The following MGAT4C variants were observed in gnomAD, a reference collection of about 807,000 sequenced individuals.
The protein encoded by MGAT4C is MGAT4 family member C.
Under a neutral mutation model 40.1 loss-of-function variants are expected in MGAT4C, and 19 were observed. The ratio of observed to expected loss-of-function variants is 0.47; its 90% CI spans 0.33 to 0.70. The LOEUF is 0.70. Ranked by LOEUF, MGAT4C falls within the 30% of genes least tolerant of loss-of-function variation. The pLI, the probability that MGAT4C is intolerant of heterozygous loss-of-function variation, is 0.02. For synonymous variants in MGAT4C, 181 were observed against 187.1 expected, an observed-to-expected ratio of 0.97 and a Z score of 0.27; for missense variants, 491 against 563.2, an observed-to-expected ratio of 0.87 and a Z score of 1.30.
At chr12:86,055,536 CA>C (rs534854299) in intron 1 of MGAT4C, among the ~76,000 whole-genome samples, 102 of 152,112 alleles carry the variant, frequency 6.7e-4, no homozygotes, top group Admixed American at 9.2e-4. Context: ...GAATGACTGA[CA>C]AAAGAACACT....
intron 2 of MGAT4C, among the ~76,000 whole-genome samples, chr12:86,658,917 C>T (rs1008615821): frequency 6.6e-6 from 1 of 152,142 alleles, no homozygotes; most frequent in East Asian, 1.9e-4. Context: ...TTCCCTCTGC[C>T]AGGATGCCTT....
At chr12:86,739,161 A>C (rs1046271375) in intron 1 of MGAT4C, among the ~76,000 whole-genome samples, 1 of 147,466 alleles carries the variant, frequency 6.8e-6, no homozygotes, top group Admixed American at 6.8e-5. Context: ...AAAAAAAAAA[A>C]AATCTATGTT....
Position 86,325,350 on chromosome 12 carries a change from T to C in MGAT4C, c.-57+8715A>G, listed in dbSNP as rs541537818. Reference sequence around the variant, plus strand: ...GCAGCATATCAAAAAATTAGGAATTTATTTAGAACTTAGTAGAGCTACACT... The same window carrying C: ...GCAGCATATCAAAAAATTAGGAATTCATTTAGAACTTAGTAGAGCTACACT... On this transcript the variant is annotated intron_variant, in intron 4 of 7. Transcript: ENST00000548651. 8.5e-5 allele frequency among the ~76,000 whole-genome samples: 13 copies of C among 152,326 alleles called. No homozygotes were observed. In the East Asian group the frequency reaches 2.5e-3, roughly 29 times the overall value.
At chr12:86,740,309 G>A (rs1951048827) in intron 1 of MGAT4C, among the ~76,000 whole-genome samples, 1 of 150,942 alleles carries the variant, frequency 6.6e-6, no homozygotes, top group African/African-American at 2.4e-5. Flanking sequence ...TGGTCATAAG[G>A]ATAGGATTCA....
chr12:86,463,906 ATTCT>A (rs1231196793), intron 2 of MGAT4C, among the ~76,000 whole-genome samples: 1 of 152,198 alleles, frequency 6.6e-6, no homozygotes, highest in Non-Finnish European at 1.5e-5. Context: ...TATACTAAAA[ATTCT>A]TTATTTAAAT....
At chr12:86,492,134 A>G (rs972388753) in intron 2 of MGAT4C, among the ~76,000 whole-genome samples, 2 of 152,204 alleles carry the variant, frequency 1.3e-5, no homozygotes, top group African/African-American at 4.8e-5. Context: ...CCACTGCTCA[A>G]TGAAATAAAA....
chr12:86,575,294 C>CA (rs1433565412), intron 2 of MGAT4C, among the ~76,000 whole-genome samples: 1 of 151,750 alleles, frequency 6.6e-6, no homozygotes, highest in East Asian at 1.9e-4. Flanking sequence ...TGCTATCAAA[C>CA]AGTCAGTCTT....
chr12:86,730,034 C>G (rs1289502658), intron 1 of MGAT4C, among the ~76,000 whole-genome samples: 1 of 151,996 alleles, frequency 6.6e-6, no homozygotes, highest in Non-Finnish European at 1.5e-5. Flanking sequence ...TGTGAATACC[C>G]TTTGAACCAC....
chr12:86,479,879 C>T (rs1482272290), intron 2 of MGAT4C, among the ~76,000 whole-genome samples: 1 of 151,782 alleles, frequency 6.6e-6, no homozygotes, highest in Admixed American at 6.6e-5. Context: ...ACTGATCACA[C>T]TTTGGAAGTT....
At chr12:86,643,637 A>C (rs895563338) in intron 2 of MGAT4C, among the ~76,000 whole-genome samples, 2 of 151,902 alleles carry the variant, frequency 1.3e-5, no homozygotes, top group Non-Finnish European at 2.9e-5. Context: ...TGTCCAAAAT[A>C]GACAAATTCA....
chr12:86,496,719 CT>C (rs1195982776), intron 2 of MGAT4C, among the ~76,000 whole-genome samples: 1 of 151,892 alleles, frequency 6.6e-6, no homozygotes, highest in Non-Finnish European at 1.5e-5. Context: ...AAGGTAAACA[CT>C]GACTATGAAA....
At chr12:86,531,998 T>C (rs879769690) in intron 2 of MGAT4C, among the ~76,000 whole-genome samples, 9 of 151,996 alleles carry the variant, frequency 5.9e-5, no homozygotes, top group Non-Finnish European at 1.3e-4. Context: ...AAATTTACAC[T>C]AATTTTCTAA....
intron 2 of MGAT4C, among the ~76,000 whole-genome samples, chr12:86,710,735 A>G (rs1950541791): frequency 6.6e-6 from 1 of 152,196 alleles, no homozygotes; most frequent in Non-Finnish European, 1.5e-5. Flanking sequence ...ACACATGCAC[A>G]CAAATGTTTA....
At chr12:86,377,651 A>C (rs1955855803) in intron 3 of MGAT4C, among the ~76,000 whole-genome samples, 1 of 152,332 alleles carries the variant, frequency 6.6e-6, no homozygotes, top group Non-Finnish European at 1.5e-5. Flanking sequence ...AAAGATCAAT[A>C]ATGATTTAAT....
At chr12:86,566,627 TGTATTATATATACATAAATGTATATAG>T (rs1960134864) in intron 2 of MGAT4C, among the ~76,000 whole-genome samples, 1 of 143,492 alleles carries the variant, frequency 7.0e-6, no homozygotes, top group African/African-American at 2.5e-5. Context: ...TATGTATATA[TGTATTATATATACATAAATGTATATAG>T]GTATGTATAT....
intron 2 of MGAT4C, among the ~76,000 whole-genome samples, chr12:86,589,082 A>G (rs1432537736): frequency 9.2e-5 from 14 of 151,588 alleles, no homozygotes; most frequent in Admixed American, 3.3e-4. Context: ...TAGAGACACA[A>G]AAAACCCTTC....
At chr12:86,541,018 G>C (rs890239765) in intron 2 of MGAT4C, among the ~76,000 whole-genome samples, 2 of 152,054 alleles carry the variant, frequency 1.3e-5, no homozygotes, top group African/African-American at 4.8e-5. Flanking sequence ...TTTTCAGATT[G>C]AAACAGGAAG....
chr12:86,652,464 C>A (rs1963721582), intron 2 of MGAT4C, among the ~76,000 whole-genome samples: 1 of 151,912 alleles, frequency 6.6e-6, no homozygotes. Flanking sequence ...CCACACCCAA[C>A]CTCCAATACA....
Position 86,398,656 on chromosome 12 carries a change from A to C in MGAT4C, c.-120+36501T>G, listed in dbSNP as rs574875608. Among the ~76,000 whole-genome samples the C allele has an allele frequency of 7.2e-5, 11 of 152,118 alleles. No homozygotes were observed. The East Asian group carries it at 2.2e-3, about 30-fold the overall frequency. On this transcript the variant is annotated intron_variant, in intron 3 of 7. Coordinates refer to the MGAT4C transcript ENST00000548651. ...GTCTCATAAGCAGGCCTCAGGAAAC[A>C]GAATCTCTCTCTCTGATCTTCTCCT...
Sources: allele counts gnomAD v4.1 joint callset (sites outside exome capture counted in the v4.1 genomes callset), GRCh38; gene constraint gnomAD v4.1.1; transcripts MANE v1.5; gene names NCBI Gene and HGNC (gene_info 2026-07-23, HGNC 2026-07-21).